Variants in RERE observed in about 807,000 individuals in gnomAD.
RERE encodes arginine-glutamic acid dipeptide repeats.
A neutral mutation model predicts 146.1 loss-of-function variants in RERE; 40 were observed. That is an observed-to-expected ratio of 0.27 (90% CI 0.21 to 0.36). The LOEUF (loss-of-function observed/expected upper bound fraction) is 0.36. Among genes scored for constraint, RERE ranks in the 10% least tolerant of loss-of-function variants. The pLI, the probability that RERE is intolerant of heterozygous loss-of-function variation, is 1.00. For missense variants in RERE, 1,933 were observed against 2,138.7 expected, an observed-to-expected ratio of 0.90 and a Z score of 1.90; for synonymous variants, 1,003 against 866.0, an observed-to-expected ratio of 1.16 and a Z score of -2.78.
intron 12 of RERE, among the ~76,000 whole-genome samples, chr1:8,369,638 G>A (rs1027213887): frequency 6.6e-5 from 10 of 151,652 alleles, no homozygotes; most frequent in Admixed American, 5.3e-4. Flanking sequence ...GTGACAGGGT[G>A]ACCAGAACTG....
Position 8,467,942 on chromosome 1 carries a change from C to G in RERE, c.1105-1919G>C, listed in dbSNP as rs1042639012. On this transcript the variant is annotated intron_variant, in intron 10 of 22. Coordinates refer to ENST00000400908, the MANE Select transcript of RERE (RefSeq NM_001042681.2). ...AACAGGCATGAGCCACCGCACCCGG[C>G]CCAAACATCCATTTTCAATGCTCAC... Among the ~76,000 whole-genome samples the G allele has an allele frequency of 6.1e-4, 93 of 152,200 alleles. 1 individual carries two copies. Among genetic ancestry groups the G allele is most frequent in the Non-Finnish European group, 1.1e-3 (76 of 68,032 alleles).
At chr1:8,627,463 G>A (rs1646988001) in intron 2 of RERE, among the ~76,000 whole-genome samples, 1 of 152,074 alleles carries the variant, frequency 6.6e-6, no homozygotes, top group African/African-American at 2.4e-5. Flanking sequence ...TTAGCTGGGT[G>A]TGGTGGCACA....
chr1:8,814,680 GGTTT>G (rs1293696419), intron 1 of RERE, among the ~76,000 whole-genome samples: 1 of 152,056 alleles, frequency 6.6e-6, no homozygotes, highest in African/African-American at 2.4e-5. Flanking sequence ...CCATAGAGTA[GGTTT>G]ATTTGATTTT....
intron 4 of RERE, among the ~76,000 whole-genome samples, chr1:8,612,317 C>A (rs1297858104): frequency 3.9e-5 from 6 of 152,188 alleles, no homozygotes; most frequent in Non-Finnish European, 8.8e-5. Flanking sequence ...GAGAACTCCA[C>A]ATATGGGGAA....
Position 8,358,465 on chromosome 1 carries a change from G to C in RERE, c.4070C>G (p.Pro1357Arg). 1 of 1,580,876 alleles carries C rather than the reference G, an allele frequency of 6.3e-7. No individual in the cohort carries two copies. Among genetic ancestry groups the C allele is most frequent in the Non-Finnish European group, 8.6e-7 (1 of 1,160,954 alleles). Reference sequence around the variant, plus strand: ...AGCAAAAGGGTGGGGCCCGGCGGTCGGGGGGATGGTGAGGGCGCTGTGCCG... The same window carrying C: ...AGCAAAAGGGTGGGGCCCGGCGGTCCGGGGGATGGTGAGGGCGCTGTGCCG... ...FARHSALTIP[P>R]TAGPHPFASF... The change falls in exon 20 of 23, where the codon CCG (proline) becomes CGG (arginine). Residue 1357 changes from proline (P) to arginine (R), a missense_variant. Coordinates refer to ENST00000400908, the MANE Select transcript of RERE (RefSeq NM_001042681.2).
At chr1:8,518,935 T>C (rs759736062) in intron 7 of RERE, among the ~76,000 whole-genome samples, 1 of 152,108 alleles carries the variant, frequency 6.6e-6, no homozygotes, top group Non-Finnish European at 1.5e-5. Context: ...AATAAATAAA[T>C]AAACAAATAA....
chr1:8,500,666 C>T (rs555565403), intron 8 of RERE, among the ~76,000 whole-genome samples: 76 of 151,948 alleles, frequency 5.0e-4, no homozygotes, highest in African/African-American at 1.8e-3. Context: ...TCTGCCTGGC[C>T]GCCCATCGTC....
intron 6 of RERE, among the ~76,000 whole-genome samples, chr1:8,547,085 T>A (rs1298662646): frequency 1.4e-4 from 20 of 147,752 alleles, no homozygotes; most frequent in East Asian, 9.8e-4. Context: ...AAGCTTTTTT[T>A]TTAAAAAAAA....
intron 8 of RERE, among the ~76,000 whole-genome samples, chr1:8,501,064 G>C (rs1645137369): frequency 1.0e-5 from 1 of 95,296 alleles, no homozygotes; most frequent in Admixed American, 1.3e-4. Flanking sequence ...CGCCCGGCCA[G>C]CCGCCCCGTC....
intron 7 of RERE, chr1:8,512,881 GACCC>G (rs1412583954): frequency 9.2e-5 from 14 of 152,640 alleles, no homozygotes; most frequent in African/African-American, 3.4e-4. Context: ...TGCCTGCACA[GACCC>G]CCATCTTCTG....
rs796523189 is a variant in RERE, at chr1:8,353,163, T to A, written c.*1924A>T. The A allele has an allele frequency of 1.2e-4, 18 of 152,628 alleles. No homozygotes were observed. Among genetic ancestry groups the A allele is most frequent in the African/African-American group, 4.3e-4 (18 of 41,568 alleles). 9.5% of individuals were successfully genotyped at this position (152,628 alleles called of 1,614,324 possible). A position where few individuals can be genotyped will look rare whatever the true frequency, so the allele number is the denominator to read the frequency against. On this transcript the variant is annotated 3_prime_UTR_variant, in exon 23 of 23. Transcript: ENST00000400908. Reference sequence around the variant, plus strand: ...CTGAAGTCCCACGACAAAAGGTTCATGTCAGCTTTGCCTCCCTGTGAACAA... The same window carrying A: ...CTGAAGTCCCACGACAAAAGGTTCAAGTCAGCTTTGCCTCCCTGTGAACAA...
At chr1:8,408,557 C>G (rs1429700848) in intron 12 of RERE, among the ~76,000 whole-genome samples, 1 of 152,068 alleles carries the variant, frequency 6.6e-6, no homozygotes, top group South Asian at 2.1e-4. Context: ...GCACTGAAGT[C>G]TCTGAGCTTC....
intron 11 of RERE, chr1:8,429,901 G>A (rs1280144801): frequency 6.6e-6 from 1 of 152,440 alleles, no homozygotes; most frequent in Non-Finnish European, 1.5e-5. Context: ...CAGTGGGTAA[G>A]AGGAACAGAC....
At chr1:8,575,561 A>ATATATATATATATATATATT (rs1337650659) in intron 4 of RERE, among the ~76,000 whole-genome samples, 2 of 98,658 alleles carry the variant, frequency 2.0e-5, no homozygotes, top group African/African-American at 9.3e-5. Flanking sequence ...ATATATATAT[A>ATATATATATATATATATATT]TTTTTTTTTT....
chr1:8,541,515 A>G (rs142856459), intron 6 of RERE, among the ~76,000 whole-genome samples, 197 bp from the exon 7 acceptor site: 41 of 152,322 alleles, frequency 2.7e-4, no homozygotes, highest in Non-Finnish European at 5.1e-4. Flanking sequence ...GACTGCTTTT[A>G]TATCACCATT....
At chr1:8,667,154 G>A (rs1638593631) in intron 1 of RERE, among the ~76,000 whole-genome samples, 1 of 152,068 alleles carries the variant, frequency 6.6e-6, no homozygotes, top group Admixed American at 6.6e-5. Flanking sequence ...TAATAAATAA[G>A]GCTTCTCAAT....
chr1:8,763,939 A>T (rs7517382), intron 1 of RERE, among the ~76,000 whole-genome samples: 429 of 34,198 alleles, frequency 0.013, 3 homozygotes, highest in African/African-American at 0.024. Context: ...GACTCCGTCT[A>T]AAAAAAAAAA....
At position 8,360,853 on chromosome 1, in the gene RERE, A is replaced by G. The variant is rs758065217; in HGVS notation, c.2654T>C (p.Leu885Pro). The G allele has an allele frequency of 1.8e-5, 28 of 1,536,500 alleles. No individual in the cohort carries two copies. The highest frequency in any genetic ancestry group is 2.3e-5 in the Non-Finnish European group (26 of 1,147,290). The change falls in exon 18 of 23, where the codon CTG becomes CCG. Residue 885 changes from leucine (L) to proline (P), a missense_variant. By Grantham distance (98) the Leu-to-Pro change is moderately conservative. This residue lies in a region of RERE where 1,255 missense variants were observed against 1,153.8 expected (regional missense o/e 1.09). Transcript: ENST00000400908. ...GTACGCTGCTGCTGGGGAGGTCCCC[A>G]GAGGGGCCTGGCCTTGGGAGGCCTG... ...PPQASQGQAP[L>P]GTSPAAAYPH...
intron 1 of RERE, among the ~76,000 whole-genome samples, chr1:8,679,067 C>G (rs1347536161): frequency 6.6e-6 from 1 of 152,250 alleles, no homozygotes; most frequent in Non-Finnish European, 1.5e-5. Flanking sequence ...CTGGACAGCA[C>G]AGACACAGAA....
Sources: allele counts gnomAD v4.1 joint callset (sites outside exome capture counted in the v4.1 genomes callset), GRCh38; gene constraint gnomAD v4.1.1; regional missense constraint gnomAD v4.1.1; transcripts MANE v1.5; gene names NCBI Gene and HGNC (gene_info 2026-07-23, HGNC 2026-07-21).